Variants in MROH7 observed in about 807,000 individuals in gnomAD.
MROH7 encodes maestro heat like repeat family member 7.
A neutral mutation model predicts 129.2 loss-of-function variants in MROH7; 113 were observed. That is an observed-to-expected ratio of 0.87 (90% CI 0.75 to 1.02). MROH7 has a LOEUF of 1.02. Among genes scored for constraint, MROH7 ranks in the 50% least tolerant of loss-of-function variants. MROH7 has a pLI of 0.00. For synonymous variants in MROH7, 655 were observed against 667.9 expected, an observed-to-expected ratio of 0.98 and a Z score of 0.30; for missense variants, 1,601 against 1,671.3, an observed-to-expected ratio of 0.96 and a Z score of 0.73.
At chr1:54,656,642 G>C (rs903912438) in intron 3 of MROH7, among the ~76,000 whole-genome samples, 5 of 151,874 alleles carry the variant, frequency 3.3e-5, no homozygotes, top group Non-Finnish European at 7.4e-5. Flanking sequence ...GGCCAACATG[G>C]TGAAACCCTG....
Position 54,686,416 on chromosome 1 carries a change from G to A in MROH7, c.2679G>A (p.Lys893=), listed in dbSNP as rs373903273. Residue 893 remains lysine (K), a synonymous_variant, in exon 15 of 24, where the codon AAG becomes AAA. Transcript: ENST00000421030. ...TGGCTCCTCCCAAGGACACCAAGAA[G>A]GGTGCACAGCCCTCTCCCTTCGTAC... The part of the protein sequence containing the change: ...GCVAPPKDTK[K]GAQPSPFVPV... 1 of 1,614,140 alleles carries A rather than the reference G, an allele frequency of 6.2e-7. No homozygotes were observed. The highest frequency in any genetic ancestry group is 8.5e-7 in the Non-Finnish European group (1 of 1,180,028).
Position 54,699,098 on chromosome 1 carries a change from C to CT in MROH7, c.2965-1220dup, listed in dbSNP as rs1398016916. On this transcript the variant is annotated intron_variant, in intron 17 of 23. Transcript: ENST00000421030. Reference sequence around the variant, plus strand: ...TGTGAGCCACCTTGCCTGGCCTTTTCTTTCTTTCTTTCTTTCTTTCTTTCT... The same window carrying CT: ...TGTGAGCCACCTTGCCTGGCCTTTTCTTTTCTTTCTTTCTTTCTTTCTTTCT... 9.0e-3 allele frequency: 369 copies of CT among 40,846 alleles called. 17 individuals are homozygous for CT. The highest frequency in any genetic ancestry group is 0.026 in the African/African-American group (340 of 13,186). The allele number at this position is 40,846 out of a possible 1,614,324, so 2.5% of individuals were successfully genotyped here. A position where few individuals can be genotyped will look rare whatever the true frequency, so the allele number is the denominator to read the frequency against.
At chr1:54,679,189 T>C in intron 11 of MROH7, 74 bp from the exon 12 acceptor site, 1 of 1,468,738 alleles carries the variant, frequency 6.8e-7, no homozygotes, top group Non-Finnish European at 9.5e-7. Context: ...TGTTTGTGCC[T>C]CTGTGCACAA....
At chr1:54,680,102 C>T (rs951610446) in intron 13 of MROH7, 57 bp downstream of exon 13, 2 of 1,568,146 alleles carry the variant, frequency 1.3e-6, no homozygotes, top group African/African-American at 1.3e-5. Context: ...GCAGCCCCCA[C>T]CCCAGGTTGG....
chr1:54,671,158 C>A (rs1230135934), intron 7 of MROH7, among the ~76,000 whole-genome samples: 5 of 151,944 alleles, frequency 3.3e-5, no homozygotes, highest in Non-Finnish European at 7.4e-5. Context: ...GAGGCTGAGC[C>A]GGGTGGATCA....
At chr1:54,655,892 T>C (rs905150813) in intron 3 of MROH7, among the ~76,000 whole-genome samples, 1 of 132,794 alleles carries the variant, frequency 7.5e-6, no homozygotes, top group Non-Finnish European at 1.6e-5. Flanking sequence ...TACTTTATAG[T>C]ATTTTTTTTT....
intron 17 of MROH7, chr1:54,699,094 T>TTTTCTTTCTTTCTTTCTTTCTTTCTTTC: frequency 1.0e-5 from 1 of 98,300 alleles, no homozygotes; most frequent in South Asian, 3.8e-4. Flanking sequence ...TTGCCTGGCC[T>TTTTCTTTCTTTCTTTCTTTCTTTCTTTC]TTTCTTTCTT....
intron 22 of MROH7, among the ~76,000 whole-genome samples, chr1:54,708,066 C>T (rs2101251009): frequency 6.6e-6 from 1 of 152,264 alleles, no homozygotes; most frequent in East Asian, 1.9e-4. Flanking sequence ...TGAGGAAGGA[C>T]TTCCTGGAGG....
In MROH7 at chr1:54,680,008, G is replaced by A. The variant is rs756534894; in HGVS notation, c.2344G>A (p.Val782Met). ...GGCTAGCTCCTTCATGACCGAGGTT[G>A]TGGTGGCCCTGCTCATGTGCCCCCT... is the stretch of plus-strand genomic sequence containing the variant. ...LLASSFMTEV[V>M]VALLMCPLPL... Residue 782 changes from valine to methionine, a missense_variant, in exon 13 of 24, where the codon GTG (valine) becomes ATG (methionine). Physicochemically the swap from Val to Met is conservative, Grantham distance 21 (BLOSUM62 1). Transcript: ENST00000421030. The A allele has an allele frequency of 1.9e-6, 3 of 1,614,018 alleles. No individual in the cohort carries two copies. Among genetic ancestry groups the A allele is most frequent in the Non-Finnish European group, 8.5e-7 (1 of 1,179,976 alleles).
intron 1 of MROH7, among the ~76,000 whole-genome samples, chr1:54,648,749 T>C (rs1056112392): frequency 3.9e-5 from 6 of 152,152 alleles, no homozygotes; most frequent in Non-Finnish European, 5.9e-5. Context: ...GGGACCCCTG[T>C]TGAGCAAGCA....
intron 3 of MROH7, chr1:54,663,807 C>A (rs1448133780): frequency 6.6e-6 from 3 of 453,434 alleles, no homozygotes; most frequent in Admixed American, 2.4e-5. Flanking sequence ...CTGGAATCGA[C>A]CTTTTCTCCA....
In MROH7 at chr1:54,703,642, G is replaced by A. The variant is rs576849627; in HGVS notation, c.3564+897G>A. 2.6e-5 allele frequency among the ~76,000 whole-genome samples: 4 copies of A among 152,120 alleles called. No individual in the cohort carries two copies. Among genetic ancestry groups the A allele is most frequent in the South Asian group, 2.1e-4 (1 of 4,806 alleles). On this transcript the variant is annotated intron_variant, in intron 21 of 23. Coordinates refer to ENST00000421030, the MANE Select transcript of MROH7 (RefSeq NM_001039464.4). This position sits in a 1 kb window ranked among gnomAD's most constrained non-coding sequence, Gnocchi z 4.4. ...GAGCAAGCCGCGTGCATGTGCGCGCGCGCATACACACACACACACAAGCAC... is the reference window on the plus strand; with the variant it reads ...GAGCAAGCCGCGTGCATGTGCGCGCACGCATACACACACACACACAAGCAC...
At chr1:54,690,684 C>T (rs1241206205) in intron 15 of MROH7, among the ~76,000 whole-genome samples, 4 of 152,152 alleles carry the variant, frequency 2.6e-5, no homozygotes, top group Non-Finnish European at 5.9e-5. Context: ...ACCTCGTGAT[C>T]CACCCTCCTC....
intron 10 of MROH7, among the ~76,000 whole-genome samples, chr1:54,675,601 CT>C (rs35016115): frequency 0.3 from 42,389 of 142,978 alleles, 6,050 homozygotes; most frequent in South Asian, 0.48. Flanking sequence ...GGGACGCTGC[CT>C]TTTTTTTTTT....
At chr1:54,690,453 C>CTT (rs767848151) in intron 15 of MROH7, among the ~76,000 whole-genome samples, 21,786 of 143,672 alleles carry the variant, frequency 0.15, 1,847 homozygotes, top group East Asian at 0.28. Context: ...TTTTTTTTTC[C>CTT]TTTTTTTTTT....
At position 54,653,238 on chromosome 1, in the gene MROH7, C is replaced by A; in HGVS notation, c.312C>A (p.Ala104=). The A allele has an allele frequency of 1.9e-6, 3 of 1,614,160 alleles. No individual in the cohort carries two copies. The highest frequency in any genetic ancestry group is 2.2e-5 in the South Asian group (2 of 91,084). The change falls in exon 3 of 24, where the codon GCC becomes GCA. Residue 104 remains alanine, a synonymous_variant. Coordinates refer to ENST00000421030, the MANE Select transcript of MROH7 (RefSeq NM_001039464.4). ...LQITSSCSGE[A]LDLDSKDVSR... is the part of the protein sequence containing the mutation. ...TCACCAGTTCTTGTTCTGGTGAAGC[C>A]CTGGACCTGGATTCCAAGGATGTCT...
intron 10 of MROH7, among the ~76,000 whole-genome samples, chr1:54,674,420 A>T (rs1644950996): frequency 6.6e-6 from 1 of 152,180 alleles, no homozygotes; most frequent in Non-Finnish European, 1.5e-5. Flanking sequence ...TCATTTTCAT[A>T]GTCCCTTAAT....
At chr1:54,695,329 C>T in intron 16 of MROH7, 47 bp from the exon 17 acceptor site, 2 of 1,105,818 alleles carry the variant, frequency 1.8e-6, no homozygotes, top group Non-Finnish European at 2.7e-6. Context: ...CACAGGTCCC[C>T]CTGGGGCTGG....
chr1:54,702,468 G>A (rs1047126341), intron 20 of MROH7, among the ~76,000 whole-genome samples, 155 bp from the exon 21 acceptor site: 2 of 152,084 alleles, frequency 1.3e-5, no homozygotes, highest in South Asian at 4.1e-4. Context: ...TAAATCATGG[G>A]CAAAATAAAA....
Sources: allele counts gnomAD v4.1 joint callset (sites outside exome capture counted in the v4.1 genomes callset), GRCh38; gene constraint gnomAD v4.1.1; non-coding constraint Gnocchi (gnomAD v3.1); transcripts MANE v1.5; gene names NCBI Gene and HGNC (gene_info 2026-07-23, HGNC 2026-07-21).